MAPKBP1: variants seen among roughly 807,000 people sequenced by gnomAD.
MAPKBP1 encodes mitogen-activated protein kinase binding protein 1, also known as mitogen-activated protein kinase-binding protein 1.
In MAPKBP1, 71 loss-of-function variants were observed where a neutral mutation model predicts 170.5. That is an observed-to-expected ratio of 0.42 (90% CI 0.34 to 0.51). The LOEUF is 0.51. MAPKBP1 is among the 20% of genes least tolerant of loss of function. The pLI, the probability that MAPKBP1 is intolerant of heterozygous loss-of-function variation, is 0.06. For missense variants in MAPKBP1, 1,598 were observed against 1,933.0 expected (o/e 0.83, Z 3.25); for synonymous variants, 719 against 757.9 (o/e 0.95, Z 0.84).
rs892370848 is a variant in MAPKBP1 at position 41,813,502 on chromosome 15, T to C, written c.820-119T>C. 1.6e-5 allele frequency: 23 copies of C among 1,465,980 alleles called. No individual in the cohort carries two copies. In the African/African-American group the frequency reaches 2.8e-4, roughly 18 times the overall value. 90.8% of individuals were successfully genotyped at this position (1,465,980 alleles called of 1,614,324 possible). A position where few individuals can be genotyped will look rare whatever the true frequency, so the allele number is the denominator to read the frequency against. ...GCTCAGAACAGGGCAGCTGGGCGGC[T>C]TTTCCCTTGCCCCTGCCTTGGCCGG... On this transcript the variant is annotated intron_variant, in intron 8 of 30. Coordinates refer to ENST00000457542, the MANE Select transcript of MAPKBP1 (RefSeq NM_014994.3).
In MAPKBP1 at chr15:41,826,487, C is replaced by G. The variant is rs543160631; in HGVS notation, c.*1051C>G. 6.6e-6 allele frequency: 1 copy of G among 152,452 alleles called. No individual in the cohort carries two copies. Among genetic ancestry groups the G allele is most frequent in the South Asian group, 2.1e-4 (1 of 4,824 alleles). 9.4% of individuals were successfully genotyped at this position (152,452 alleles called of 1,614,324 possible). On this transcript the variant is annotated 3_prime_UTR_variant, in exon 31 of 31. Transcript: ENST00000457542. Reference sequence around the variant, plus strand: ...GCTGTGTGCCTGGTTTCCTCACATCCTGCCTCAGCTTCACCACCCTGGCTT... The same window carrying G: ...GCTGTGTGCCTGGTTTCCTCACATCGTGCCTCAGCTTCACCACCCTGGCTT...
chr15:41,795,966 G>A (rs2064481709), intron 2 of MAPKBP1, among the ~76,000 whole-genome samples: 1 of 152,158 alleles, frequency 6.6e-6, no homozygotes, highest in South Asian at 2.1e-4. Context: ...AAGACTATAG[G>A]GGGTAAGGCC....
chr15:41,823,780 C>G lies in MAPKBP1; in HGVS notation c.3932C>G (p.Thr1311Ser), dbSNP rs770907477. ...ACCCTGGCTGCATTCTCTCCTGTCA[C>G]CAAAGGCCGGGCCCCTGGCGAGGCA... Reference protein sequence around the residue: ...RPTLAAFSPVTKGRAPGEAEK... With the variant: ...RPTLAAFSPVSKGRAPGEAEK... Residue 1311 changes from threonine (T) to serine (S), a missense_variant, in exon 29 of 31, where the codon ACC becomes AGC. By Grantham distance (58) the Thr-to-Ser change is moderately conservative (BLOSUM62 1). Transcript: ENST00000457542. 5.0e-6 allele frequency: 8 copies of G among 1,614,052 alleles called. No homozygotes were observed. The African/African-American group carries it at 8.0e-5, about 16-fold the overall frequency.
rs910721118 is a variant in MAPKBP1, at chr15:41,822,267, C to T, written c.3074C>T (p.Ser1025Leu). The T allele has an allele frequency of 6.8e-6, 11 of 1,613,944 alleles. No homozygotes were observed. The highest frequency in any genetic ancestry group is 2.2e-5 in the South Asian group (2 of 91,080). The change falls in exon 26 of 31, where the codon TCA becomes TTA. Residue 1025 changes from serine (S) to leucine (L), a missense_variant. Ser to Leu is a moderately radical substitution (Grantham distance 145). Coordinates refer to ENST00000457542, the MANE Select transcript of MAPKBP1 (RefSeq NM_014994.3). ...CCCCTCAGTGTGGATGGCATCTCCT[C>T]AGACCTTGAAGAGCCAGCTGAGGGT... Reference protein sequence around the residue: ...TEPLSVDGISSDLEEPAEGDE... With the variant: ...TEPLSVDGISLDLEEPAEGDE...
rs375183469 is a variant in MAPKBP1, at chr15:41,814,538, C to T, written c.981-12C>T. On this transcript the variant is annotated splice_polypyrimidine_tract_variant and intron_variant, in intron 9 of 30. Coordinates refer to ENST00000457542, the MANE Select transcript of MAPKBP1 (RefSeq NM_014994.3). ...TTCAGTCTGACCAGTGTGCCCTGTC[C>T]TCTCCCTACAGTCGCCTCTTCTCTG... 72 of 1,613,140 alleles carry T rather than the reference C, an allele frequency of 4.5e-5. No homozygotes were observed. The highest frequency in any genetic ancestry group is 5.9e-5 in the Non-Finnish European group (69 of 1,179,388).
At chr15:41,819,749 G>A in intron 22 of MAPKBP1, 99 bp downstream of exon 22, 1 of 1,231,366 alleles carries the variant, frequency 8.1e-7, no homozygotes, top group Non-Finnish European at 1.1e-6. Flanking sequence ...TGGGGCATGG[G>A]GTCTGCCCAC....
In MAPKBP1 at chr15:41,822,854, C is replaced by G. The variant is rs1281389999; in HGVS notation, c.3315-85C>G. 8 of 1,513,370 alleles carry G rather than the reference C, an allele frequency of 5.3e-6. No individual in the cohort carries two copies. In the East Asian group the frequency reaches 1.8e-4, roughly 34 times the overall value. 93.7% of individuals were successfully genotyped at this position (1,513,370 alleles called of 1,614,324 possible). A position where few individuals can be genotyped will look rare whatever the true frequency, so the allele number is the denominator to read the frequency against. On this transcript the variant is annotated intron_variant, in intron 27 of 30. Coordinates refer to ENST00000457542, the MANE Select transcript of MAPKBP1 (RefSeq NM_014994.3). The stretch of plus-strand genomic sequence containing the variant: ...GCTTTGTGCTTGTTCTCTCCTAGTG[C>G]CCTGGTGCTATGAGTTTCTCGCCAT...
At position 41,819,257 on chromosome 15, in the gene MAPKBP1, C is replaced by T; in HGVS notation, c.2303C>T (p.Pro768Leu). 1 of 1,614,124 alleles carries T rather than the reference C, an allele frequency of 6.2e-7. No individual in the cohort carries two copies. Among genetic ancestry groups the T allele is most frequent in the Non-Finnish European group, 8.5e-7 (1 of 1,180,014 alleles). The change falls in exon 21 of 31, where the codon CCA (proline) becomes CTA (leucine). Residue 768 changes from proline (P) to leucine (L), a missense_variant. This residue lies in a region of MAPKBP1 where 942 missense variants were observed against 953.2 expected (regional missense o/e 0.99). Coordinates refer to ENST00000457542, the MANE Select transcript of MAPKBP1 (RefSeq NM_014994.3). ...RASGPNRHQA[P>L]SMLSPGPALS... Reference sequence around the variant, plus strand: ...TGTCTCGGACTCAGGCACCAGGCCCCATCAATGCTGTCTCCTGGACCGGCT... The same window carrying T: ...TGTCTCGGACTCAGGCACCAGGCCCTATCAATGCTGTCTCCTGGACCGGCT...
At position 41,810,406 on chromosome 15, in the gene MAPKBP1, A is replaced by G. The variant is rs186541201; in HGVS notation, c.207-477A>G. 8.5e-5 allele frequency among the ~76,000 whole-genome samples: 13 copies of G among 152,154 alleles called. No individual in the cohort carries two copies. The East Asian group carries it at 2.5e-3, about 29-fold the overall frequency. On this transcript the variant is annotated intron_variant, in intron 3 of 30. Transcript: ENST00000457542. ...TCCTCTTGGGTGGGGAAAAGGAGCA[A>G]GAACAGGTTGCCAGGAGAAAGCAGT...
chr15:41,823,570 A>G lies in MAPKBP1; in HGVS notation c.3722A>G (p.Tyr1241Cys), dbSNP rs769812726. Reference protein sequence around the residue: ...ADGRPSRPHSYQNPTTSSMAK... With the variant: ...ADGRPSRPHSCQNPTTSSMAK... ...GGCCGTCCGTCTCGGCCTCACTCCT[A>G]TCAGAACCCCACCACCAGTTCCATG... is the stretch of plus-strand genomic sequence containing the variant. The change falls in exon 29 of 31, where the codon TAT becomes TGT. Residue 1241 changes from tyrosine to cysteine, a missense_variant. Coordinates refer to ENST00000457542, the MANE Select transcript of MAPKBP1 (RefSeq NM_014994.3). 5 of 1,613,970 alleles carry G rather than the reference A, an allele frequency of 3.1e-6. No homozygotes were observed. The highest frequency in any genetic ancestry group is 2.2e-5 in the East Asian group (1 of 44,882).
rs183867276 is a variant in MAPKBP1 at position 41,821,140 on chromosome 15, C to T, written c.2718+72C>T. 2.2e-6 allele frequency: 3 copies of T among 1,387,990 alleles called. No homozygotes were observed. The East Asian group carries it at 6.8e-5, about 32-fold the overall frequency. 86.0% of individuals were successfully genotyped at this position (1,387,990 alleles called of 1,614,324 possible). A position where few individuals can be genotyped will look rare whatever the true frequency, so the allele number is the denominator to read the frequency against. ...AGGCAGCCTTTGCCACCAGCTGGGA[C>T]CTGAGCACTGGTCCAGCTATGCTTG... On this transcript the variant is annotated intron_variant, in intron 23 of 30. Coordinates refer to ENST00000457542, the MANE Select transcript of MAPKBP1 (RefSeq NM_014994.3).
At chr15:41,810,797 G>A (rs554514470) in intron 3 of MAPKBP1, 86 bp from the exon 4 acceptor site, 111 of 1,037,158 alleles carry the variant, frequency 1.1e-4, no homozygotes, top group Non-Finnish European at 1.4e-4. Context: ...TCCCTCTGCC[G>A]GGTGACTGGA....
chr15:41,816,706 A>T, intron 13 of MAPKBP1, 56 bp downstream of exon 13: 1 of 1,535,256 alleles, frequency 6.5e-7, no homozygotes, highest in East Asian at 2.3e-5. Context: ...GGTGCCACTT[A>T]TATCTGTCCC....
chr15:41,821,153 C>A, intron 23 of MAPKBP1, 85 bp downstream of exon 23: 1 of 1,268,086 alleles, frequency 7.9e-7, no homozygotes, highest in Non-Finnish European at 1.1e-6. Context: ...GAGCACTGGT[C>A]CAGCTATGCT....
chr15:41,804,626 G>T (rs1310253767), intron 3 of MAPKBP1, among the ~76,000 whole-genome samples: 1 of 152,186 alleles, frequency 6.6e-6, no homozygotes, highest in African/African-American at 2.4e-5. Context: ...TGGACTCCAG[G>T]CCTGGCCTTT....
intron 2 of MAPKBP1, among the ~76,000 whole-genome samples, chr15:41,780,881 T>G (rs2064174831): frequency 6.6e-6 from 1 of 152,142 alleles, no homozygotes; most frequent in Non-Finnish European, 1.5e-5. Context: ...AAATCCTTCC[T>G]TCCTTCCTTT....
intron 2 of MAPKBP1, among the ~76,000 whole-genome samples, chr15:41,780,658 CTT>C (rs2152067107): frequency 6.6e-6 from 1 of 152,226 alleles, no homozygotes; most frequent in South Asian, 2.1e-4. Context: ...TGGCAGCTTC[CTT>C]TTCATAGCAA....
At chr15:41,781,404 T>TG (rs2064185810) in intron 2 of MAPKBP1, among the ~76,000 whole-genome samples, 1 of 145,124 alleles carries the variant, frequency 6.9e-6, no homozygotes, top group South Asian at 2.2e-4. Flanking sequence ...TTTTTGTTTT[T>TG]TTTTTTTTCT....
intron 2 of MAPKBP1, among the ~76,000 whole-genome samples, chr15:41,796,135 C>T (rs1024302036): frequency 1.3e-5 from 2 of 152,116 alleles, no homozygotes. Context: ...TGGTGTAAGT[C>T]GTCCTGCGGT....
Sources: allele counts gnomAD v4.1 joint callset (sites outside exome capture counted in the v4.1 genomes callset), GRCh38; gene constraint gnomAD v4.1.1; regional missense constraint gnomAD v4.1.1; transcripts MANE v1.5; gene names NCBI Gene and HGNC (gene_info 2026-07-23, HGNC 2026-07-21).